ANKRD18A: variants seen among roughly 807,000 people sequenced by gnomAD.
The protein encoded by ANKRD18A is ankyrin repeat domain-containing protein 18A.
ANKRD18A carries 72 observed loss-of-function variants against 110.6 expected under a neutral mutation model. That is an observed-to-expected ratio of 0.65 (90% CI 0.54 to 0.79). The LOEUF (loss-of-function observed/expected upper bound fraction) is 0.79. Ranked by LOEUF, ANKRD18A falls within the 30% of genes least tolerant of loss-of-function variation. ANKRD18A has a pLI of 0.00. For synonymous variants in ANKRD18A, 305 were observed against 410.3 expected, an observed-to-expected ratio of 0.74 and a Z score of 3.10; for missense variants, 934 against 1,163.3, an observed-to-expected ratio of 0.80 and a Z score of 2.87.
chr9:38,598,439 A>G (rs1207542607), intron 8 of ANKRD18A, among the ~76,000 whole-genome samples: 5 of 152,204 alleles, frequency 3.3e-5, no homozygotes. Flanking sequence ...ACCCCACTGT[A>G]ACTATACACA....
intron 3 of ANKRD18A, 122 bp downstream of exon 3, chr9:38,615,472 T>G (rs1384613692): frequency 7.4e-7 from 1 of 1,348,318 alleles, no homozygotes; most frequent in African/African-American, 1.5e-5. Flanking sequence ...AAGTAAAATT[T>G]TAGACAATTA....
At chr9:38,583,759 A>C (rs534262675) in intron 12 of ANKRD18A, among the ~76,000 whole-genome samples, 7 of 152,354 alleles carry the variant, frequency 4.6e-5, no homozygotes, top group Admixed American at 2.6e-4. Context: ...GAATGGTTAC[A>C]TAAAATGTTT....
At chr9:38,609,826 A>G (rs1825525926) in intron 5 of ANKRD18A, among the ~76,000 whole-genome samples, 1 of 151,862 alleles carries the variant, frequency 6.6e-6, no homozygotes, top group African/African-American at 2.4e-5. Context: ...ACATTTCAAG[A>G]CCCAATAACT....
At chr9:38,598,861 T>C (rs1825001064) in intron 8 of ANKRD18A, among the ~76,000 whole-genome samples, 1 of 152,202 alleles carries the variant, frequency 6.6e-6, no homozygotes, top group Non-Finnish European at 1.5e-5. Context: ...TACTGTAGCT[T>C]TCTATTCGTA....
At chr9:38,601,414 C>A (rs907650107) in intron 7 of ANKRD18A, among the ~76,000 whole-genome samples, 24 of 152,106 alleles carry the variant, frequency 1.6e-4, no homozygotes, top group African/African-American at 5.8e-4. Flanking sequence ...CAGGTTCAAG[C>A]CATGCAAAAG....
downstream of ANKRD18A, chr9:38,571,167 C>T (rs1409680341): frequency 5.2e-6 from 8 of 1,534,438 alleles, no homozygotes; most frequent in East Asian, 2.0e-4. Context: ...CTAGTGAGCG[C>T]ATGATGGGAA....
rs887719308 is a variant in ANKRD18A, at chr9:38,575,828, G to C, written c.2742-130C>G. ...CCATTAAACAGTGCTTTCACACAAAGATGTGTGAGGGCATACCTCTTGTAA... is the reference window on the plus strand; with the variant it reads ...CCATTAAACAGTGCTTTCACACAAACATGTGTGAGGGCATACCTCTTGTAA... On this transcript the variant is annotated intron_variant, in intron 14 of 15. Coordinates refer to ENST00000399703, the MANE Select transcript of ANKRD18A (RefSeq NM_147195.4). 8 of 807,310 alleles carry C rather than the reference G, an allele frequency of 9.9e-6. No individual in the cohort carries two copies. In the African/African-American group the frequency reaches 1.2e-4, roughly 13 times the overall value. 50.0% of individuals were successfully genotyped at this position (807,310 alleles called of 1,614,324 possible).
chr9:38,616,299 G>A lies in ANKRD18A; in HGVS notation c.207-255C>T, dbSNP rs762715999. On this transcript the variant is annotated intron_variant, in intron 1 of 15. Coordinates refer to ENST00000399703, the MANE Select transcript of ANKRD18A (RefSeq NM_147195.4). Reference sequence around the variant, plus strand: ...TGAGTTCTACTTTGAACTCGGTCACGTACCAGCTATTGCTTAGCCTTTCTG... The same window carrying A: ...TGAGTTCTACTTTGAACTCGGTCACATACCAGCTATTGCTTAGCCTTTCTG... Among the ~76,000 whole-genome samples, 5 of 152,200 alleles carry A rather than the reference G, an allele frequency of 3.3e-5. No individual in the cohort carries two copies. In the East Asian group the frequency reaches 5.8e-4, roughly 18 times the overall value.
At chr9:38,579,356 G>A (rs952665988) in intron 12 of ANKRD18A, among the ~76,000 whole-genome samples, 1 of 152,148 alleles carries the variant, frequency 6.6e-6, no homozygotes, top group Non-Finnish European at 1.5e-5. Flanking sequence ...ACAACTGAGT[G>A]AAGAGAAAAC....
At chr9:38,568,598 G>A (rs560837451), downstream of ANKRD18A, among the ~76,000 whole-genome samples, 3 of 152,050 alleles carry the variant, frequency 2.0e-5, no homozygotes, top group South Asian at 6.2e-4. Flanking sequence ...GAGGTTGGTG[G>A]CCGGTCCACT....
intron 1 of ANKRD18A, among the ~76,000 whole-genome samples, chr9:38,619,769 T>C (rs923716520): frequency 2.6e-5 from 4 of 152,206 alleles, no homozygotes; most frequent in Non-Finnish European, 5.9e-5. Flanking sequence ...CTGAGAACTC[T>C]TCGCCTACTG....
chr9:38,576,446 T>G lies in ANKRD18A; in HGVS notation c.2741+607A>C, dbSNP rs530242244. 3.9e-4 allele frequency among the ~76,000 whole-genome samples: 60 copies of G among 152,282 alleles called. 1 individual carries two copies. Among genetic ancestry groups the G allele is most frequent in the African/African-American group, 1.3e-3 (56 of 41,560 alleles). Reference sequence around the variant, plus strand: ...ACACAGCCCTTCAGGCTGAAAAAGGTGTTATTTTTGAACCCTTGTGGATTA... The same window carrying G: ...ACACAGCCCTTCAGGCTGAAAAAGGGGTTATTTTTGAACCCTTGTGGATTA... On this transcript the variant is annotated intron_variant, in intron 14 of 15. Coordinates refer to ENST00000399703, the MANE Select transcript of ANKRD18A (RefSeq NM_147195.4).
chr9:38,616,709 G>A (rs913101228), intron 1 of ANKRD18A, among the ~76,000 whole-genome samples: 4 of 152,158 alleles, frequency 2.6e-5, no homozygotes, highest in African/African-American at 9.7e-5. Flanking sequence ...TCCCACCTCA[G>A]CCTTCCAAAG....
chr9:38,619,803 C>T (rs1180211821), intron 1 of ANKRD18A, among the ~76,000 whole-genome samples: 1 of 152,172 alleles, frequency 6.6e-6, no homozygotes, highest in Non-Finnish European at 1.5e-5. Context: ...GTATTTTTGA[C>T]AGGGGAATGA....
chr9:38,584,145 T>G (rs1274914066), intron 12 of ANKRD18A, among the ~76,000 whole-genome samples: 1 of 152,222 alleles, frequency 6.6e-6, no homozygotes, highest in African/African-American at 2.4e-5. Context: ...TCCCTTTCAC[T>G]TAATAAATTC....
downstream of ANKRD18A, chr9:38,569,382 G>T (rs1823557559): frequency 1.0e-6 from 1 of 985,392 alleles, no homozygotes; most frequent in Non-Finnish European, 1.2e-6. Flanking sequence ...AGGAAGAGAA[G>T]AGAGCAGGTC....
At chr9:38,619,469 C>T (rs1383374303) in intron 1 of ANKRD18A, among the ~76,000 whole-genome samples, 3 of 152,116 alleles carry the variant, frequency 2.0e-5, no homozygotes, top group African/African-American at 7.2e-5. Context: ...GAATTAATAG[C>T]ACATTTTGAT....
Position 38,571,792 on chromosome 9 carries a change from G to T in ANKRD18A, c.*253C>A. On this transcript the variant is annotated 3_prime_UTR_variant, in exon 16 of 16. Transcript: ENST00000399703. ...TTGCAAGATCCACTTAAAACTTAAG[G>T]AGGCTAAAAAACATCATTTAAAATA... 8.9e-7 allele frequency: 1 copy of T among 1,127,352 alleles called. No homozygotes were observed. 69.8% of individuals were successfully genotyped at this position (1,127,352 alleles called of 1,614,324 possible). A position where few individuals can be genotyped will look rare whatever the true frequency, so the allele number is the denominator to read the frequency against.
At chr9:38,615,216 C>T (rs570535948) in intron 3 of ANKRD18A, among the ~76,000 whole-genome samples, 3 of 151,906 alleles carry the variant, frequency 2.0e-5, no homozygotes, top group Admixed American at 6.5e-5. Flanking sequence ...GTTAGAAAAC[C>T]GTCAGCAGCA....
Sources: gnomAD v4.1 joint callset for allele counts (sites outside exome capture counted in the v4.1 genomes callset) on GRCh38, gnomAD v4.1.1 for gene constraint, MANE v1.5 for transcripts, NCBI Gene and HGNC (gene_info 2026-07-23, HGNC 2026-07-21) for gene names.